LRRC4C: variants seen among roughly 807,000 people sequenced by gnomAD.
LRRC4C encodes the protein leucine-rich repeat-containing protein 4C.
Under a neutral mutation model 33.6 loss-of-function variants are expected in LRRC4C, and 5 were observed. That is an observed-to-expected ratio of 0.15 (90% CI 0.08 to 0.31). The LOEUF is 0.31. LRRC4C is among the 10% of genes least tolerant of loss of function. The pLI, the probability that LRRC4C is intolerant of heterozygous loss-of-function variation, is 1.00. For missense variants in LRRC4C, 560 were observed against 796.7 expected (o/e 0.70, Z 3.58); for synonymous variants, 329 against 302.0 (o/e 1.09, Z -0.93).
At chr11:40,719,786 G>T (rs1946916797) in intron 2 of LRRC4C, among the ~76,000 whole-genome samples, 1 of 152,166 alleles carries the variant, frequency 6.6e-6, no homozygotes, top group Non-Finnish European at 1.5e-5. Context: ...TGGTGTCAGT[G>T]TTGGAGCTTT....
At chr11:40,843,438 T>C (rs2135670969) in intron 2 of LRRC4C, among the ~76,000 whole-genome samples, 1 of 152,298 alleles carries the variant, frequency 6.6e-6, no homozygotes, top group South Asian at 2.1e-4. Flanking sequence ...TCATCTCACC[T>C]GAGCCATCAT....
chr11:41,324,506 A>G (rs1367822967), intron 1 of LRRC4C, among the ~76,000 whole-genome samples: 1 of 152,224 alleles, frequency 6.6e-6, no homozygotes, highest in African/African-American at 2.4e-5. Flanking sequence ...TTTTAGAAAC[A>G]TGGGTATTAT....
At chr11:40,620,168 G>A (rs1223448172) in intron 3 of LRRC4C, among the ~76,000 whole-genome samples, 1 of 151,284 alleles carries the variant, frequency 6.6e-6, no homozygotes, top group Non-Finnish European at 1.5e-5. Context: ...CCTGGAATCT[G>A]CTTCTGCATT....
chr11:40,247,748 T>C (rs1180311675), intron 4 of LRRC4C, among the ~76,000 whole-genome samples: 2 of 152,182 alleles, frequency 1.3e-5, no homozygotes, highest in Non-Finnish European at 2.9e-5. Flanking sequence ...AGAGAGGTCA[T>C]GTCACCTTCC....
At chr11:41,228,445 T>C (rs1191924538) in intron 1 of LRRC4C, among the ~76,000 whole-genome samples, 2 of 152,148 alleles carry the variant, frequency 1.3e-5, no homozygotes, top group African/African-American at 2.4e-5. Flanking sequence ...TGTTGGGGCA[T>C]CTGGTCTCCA....
At chr11:40,957,453 C>A (rs988766107) in intron 1 of LRRC4C, among the ~76,000 whole-genome samples, 9 of 151,740 alleles carry the variant, frequency 5.9e-5, no homozygotes, top group Admixed American at 5.9e-4. Context: ...TTTCCATCAC[C>A]CACTGTCTCC....
At chr11:40,661,690 A>G (rs1330437719) in intron 2 of LRRC4C, among the ~76,000 whole-genome samples, 1 of 152,240 alleles carries the variant, frequency 6.6e-6, no homozygotes, top group African/African-American at 2.4e-5. Flanking sequence ...TACCTCTGAC[A>G]TATCATAAAT....
At chr11:41,190,976 T>C (rs115294998) in intron 1 of LRRC4C, among the ~76,000 whole-genome samples, 1,989 of 152,310 alleles carry the variant, frequency 0.013, 54 homozygotes, top group African/African-American at 0.045. Context: ...TGAAGTGTGA[T>C]AGCATCAGCT....
intron 1 of LRRC4C, among the ~76,000 whole-genome samples, chr11:41,426,907 G>T (rs924554924): frequency 6.6e-6 from 1 of 152,122 alleles, no homozygotes; most frequent in Non-Finnish European, 1.5e-5. Flanking sequence ...CATAAGCATG[G>T]CTGCTGGTGA....
chr11:40,306,350 T>A (rs1198938014), intron 4 of LRRC4C, among the ~76,000 whole-genome samples: 1 of 152,158 alleles, frequency 6.6e-6, no homozygotes, highest in Non-Finnish European at 1.5e-5. Context: ...TTTAAATAAG[T>A]CTAATAATTC....
chr11:40,528,592 A>G (rs541582406), intron 3 of LRRC4C, among the ~76,000 whole-genome samples: 3 of 152,306 alleles, frequency 2.0e-5, no homozygotes, highest in Admixed American at 6.5e-5. Context: ...GTTTCCTTAA[A>G]AATTAGAAAT....
chr11:40,907,789 C>G (rs1956488224), intron 2 of LRRC4C, among the ~76,000 whole-genome samples: 1 of 152,188 alleles, frequency 6.6e-6, no homozygotes, highest in African/African-American at 2.4e-5. Flanking sequence ...TCTTAAATCT[C>G]AATGTGGCTT....
intron 2 of LRRC4C, among the ~76,000 whole-genome samples, chr11:40,765,695 T>C (rs1949417541): frequency 6.6e-6 from 1 of 151,734 alleles, no homozygotes; most frequent in Non-Finnish European, 1.5e-5. Flanking sequence ...ACTAAAGATA[T>C]ATCAGAGTCT....
intron 3 of LRRC4C, among the ~76,000 whole-genome samples, chr11:40,379,939 A>C (rs1948799923): frequency 1.3e-5 from 2 of 152,156 alleles, no homozygotes; most frequent in South Asian, 4.1e-4. Flanking sequence ...CTGTGTTTTA[A>C]TGAGTCCTGT....
At chr11:40,215,296 A>G (rs746339832) in intron 5 of LRRC4C, among the ~76,000 whole-genome samples, 3 of 152,168 alleles carry the variant, frequency 2.0e-5, no homozygotes, top group Non-Finnish European at 2.9e-5. Flanking sequence ...GAGAGGTACT[A>G]AGCTAATCAG....
intron 3 of LRRC4C, among the ~76,000 whole-genome samples, chr11:40,624,666 A>T (rs1022811171): frequency 6.6e-6 from 1 of 152,136 alleles, no homozygotes; most frequent in Non-Finnish European, 1.5e-5. Flanking sequence ...TGGCACATAC[A>T]CTTGGCTGGT....
chr11:41,401,967 C>T (rs1342628425), intron 1 of LRRC4C, among the ~76,000 whole-genome samples: 1 of 151,970 alleles, frequency 6.6e-6, no homozygotes, highest in East Asian at 1.9e-4. Context: ...CTCATTTATT[C>T]ATTCACCTAA....
chr11:40,162,615 G>A lies in LRRC4C; in HGVS notation c.-95-21762C>T, dbSNP rs1019533122. Among the ~76,000 whole-genome samples, 12 of 152,116 alleles carry A rather than the reference G, an allele frequency of 7.9e-5. No individual in the cohort carries two copies. In the East Asian group the frequency reaches 1.2e-3, roughly 15 times the overall value. On this transcript the variant is annotated intron_variant, in intron 5 of 6. Transcript: ENST00000528697. ...ACATAAAGAAATCTGCAAATGTTTC[G>A]TCGCTTTGTAGCTCAGTGTTCATCC...
chr11:40,678,466 T>G (rs1335924562), intron 2 of LRRC4C, among the ~76,000 whole-genome samples: 1 of 152,180 alleles, frequency 6.6e-6, no homozygotes, highest in East Asian at 1.9e-4. Context: ...GATTACGTAT[T>G]CTATATTATT....
Sources: gnomAD v4.1 joint callset for allele counts (sites outside exome capture counted in the v4.1 genomes callset) on GRCh38, gnomAD v4.1.1 for gene constraint, MANE v1.5 for transcripts, NCBI Gene and HGNC (gene_info 2026-07-23, HGNC 2026-07-21) for gene names.